Variants in RIMS2 observed in about 807,000 individuals in gnomAD.
RIMS2 encodes the protein regulating synaptic membrane exocytosis 2, also known as regulating synaptic membrane exocytosis protein 2.
In RIMS2, 59 loss-of-function variants were observed where a neutral mutation model predicts 174.4. The ratio of observed to expected loss-of-function variants is 0.34; its 90% confidence interval spans 0.27 to 0.42. The LOEUF (loss-of-function observed/expected upper bound fraction) is 0.42, where lower values mean the gene tolerates loss of function less well. RIMS2 is among the 10% of genes least tolerant of loss of function. The pLI, the probability that RIMS2 is intolerant of heterozygous loss-of-function variation, is 1.00. For missense variants in RIMS2, 1,620 were observed against 1,666.3 expected (o/e 0.97, Z 0.48); for synonymous variants, 606 against 572.5 (o/e 1.06, Z -0.84).
intron 3 of RIMS2, among the ~76,000 whole-genome samples, chr8:103,858,732 TACACACACAC>T (rs71881969): frequency 1.4e-5 from 2 of 145,324 alleles, no homozygotes; most frequent in South Asian, 2.2e-4. Context: ...TACATACCTA[TACACACACAC>T]ACACACACAC....
intron 19 of RIMS2, among the ~76,000 whole-genome samples, chr8:104,027,674 T>A (rs1328646568): frequency 6.6e-6 from 1 of 152,202 alleles, no homozygotes; most frequent in African/African-American, 2.4e-5. Flanking sequence ...AGTTAGTTCA[T>A]CTGAGAAAAG....
At chr8:103,543,043 A>G (rs1480718700) in intron 1 of RIMS2, among the ~76,000 whole-genome samples, 2 of 152,186 alleles carry the variant, frequency 1.3e-5, no homozygotes, top group Non-Finnish European at 1.5e-5. Flanking sequence ...AAAGAATGAA[A>G]TAAAGGCACC....
At chr8:103,863,800 A>T (rs1310768462) in intron 3 of RIMS2, among the ~76,000 whole-genome samples, 2 of 149,072 alleles carry the variant, frequency 1.3e-5, no homozygotes, top group Non-Finnish European at 3.0e-5. Flanking sequence ...ATTGTTTCTG[A>T]TTGTTCTGAT....
chr8:103,721,698 C>G (rs1407787174), intron 2 of RIMS2, among the ~76,000 whole-genome samples: 1 of 152,188 alleles, frequency 6.6e-6, no homozygotes, highest in East Asian at 1.9e-4. Flanking sequence ...TTATTTCAAT[C>G]ATGAATACCA....
intron 19 of RIMS2, among the ~76,000 whole-genome samples, chr8:104,200,301 C>T (rs2099048227): frequency 6.6e-6 from 1 of 152,100 alleles, no homozygotes; most frequent in Non-Finnish European, 1.5e-5. Context: ...CCCTGAATTC[C>T]AAGATTGGTA....
intron 3 of RIMS2, among the ~76,000 whole-genome samples, chr8:103,871,785 G>GC (rs1554913886): frequency 6.8e-6 from 1 of 147,302 alleles, no homozygotes; most frequent in Non-Finnish European, 1.5e-5. Flanking sequence ...GAAGGTGTTT[G>GC]TTTTTTTTTT....
chr8:103,896,556 C>T (rs1444270589), intron 4 of RIMS2, among the ~76,000 whole-genome samples: 2 of 151,624 alleles, frequency 1.3e-5, no homozygotes, highest in Admixed American at 6.6e-5. Flanking sequence ...GAGAAATAGT[C>T]AACACTTTGT....
chr8:103,745,667 G>T (rs561998247), intron 2 of RIMS2, among the ~76,000 whole-genome samples: 1 of 152,148 alleles, frequency 6.6e-6, no homozygotes, highest in African/African-American at 2.4e-5. Context: ...TATTTCAGTG[G>T]GTATGAAGTG....
At chr8:103,889,695 T>G (rs2099230782) in intron 4 of RIMS2, among the ~76,000 whole-genome samples, 1 of 152,016 alleles carries the variant, frequency 6.6e-6, no homozygotes, top group South Asian at 2.1e-4. Flanking sequence ...CTTCTATCTT[T>G]AGCCTTATTG....
At position 104,247,630 on chromosome 8, in the gene RIMS2, A is replaced by T. The variant is rs60418765; in HGVS notation, c.3477-1071A>T. ...TGACCAGTTGGAAGAATGAAGAATG[A>T]GATTACCATTTATCAAGATGGAAAT... On this transcript the variant is annotated intron_variant, in intron 20 of 23. Transcript: ENST00000504942. 2.0e-5 allele frequency among the ~76,000 whole-genome samples: 3 copies of T among 152,238 alleles called. No homozygotes were observed. In the South Asian group the frequency reaches 6.2e-4, roughly 32 times the overall value.
At chr8:104,034,381 T>G (rs996789555) in intron 19 of RIMS2, among the ~76,000 whole-genome samples, 1 of 152,220 alleles carries the variant, frequency 6.6e-6, no homozygotes, top group Middle Eastern at 3.4e-3. Flanking sequence ...TAATTGCTTT[T>G]TTTAAAGAAT....
chr8:103,915,400 G>A, intron 6 of RIMS2, 95 bp from the exon 10 acceptor site: 1 of 579,038 alleles, frequency 1.7e-6, no homozygotes, highest in South Asian at 3.1e-5. Flanking sequence ...AGCGTTTTAG[G>A]TGTTGCAAAT....
At chr8:103,815,430 C>T (rs2098712692) in intron 3 of RIMS2, among the ~76,000 whole-genome samples, 1 of 152,010 alleles carries the variant, frequency 6.6e-6, no homozygotes, top group African/African-American at 2.4e-5. Flanking sequence ...CCAAAAGTTC[C>T]TTAACACTTC....
At chr8:104,119,183 T>TAA (rs770351018) in intron 19 of RIMS2, among the ~76,000 whole-genome samples, 5,977 of 143,132 alleles carry the variant, frequency 0.042, 157 homozygotes, top group Middle Eastern at 0.12. Flanking sequence ...CGTCTCTACT[T>TAA]AAAAACAAAA....
intron 19 of RIMS2, among the ~76,000 whole-genome samples, chr8:104,053,556 CTCAA>C (rs1323493994): frequency 1.3e-5 from 2 of 152,242 alleles, no homozygotes; most frequent in South Asian, 2.1e-4. Context: ...TGTGCATTTT[CTCAA>C]TCAAATTTCT....
intron 19 of RIMS2, among the ~76,000 whole-genome samples, chr8:104,086,225 CT>C (rs1463531444): frequency 2.0e-5 from 3 of 146,972 alleles, no homozygotes; most frequent in Admixed American, 2.0e-4. Flanking sequence ...ATACCACTGA[CT>C]GGTAAATTAG....
intron 19 of RIMS2, among the ~76,000 whole-genome samples, chr8:104,186,395 G>C: frequency 6.6e-6 from 1 of 151,726 alleles, no homozygotes; most frequent in East Asian, 1.9e-4. Context: ...ACCTCTGAAT[G>C]ATGTAATAAA....
intron 16 of RIMS2, among the ~76,000 whole-genome samples, chr8:103,979,692 G>A (rs2093729541): frequency 6.6e-6 from 1 of 152,198 alleles, no homozygotes; most frequent in South Asian, 2.1e-4. Flanking sequence ...AGGAGGGTTG[G>A]AGAGACAGTC....
In RIMS2 at chr8:103,518,473, A is replaced by G. The variant is rs569099259; in HGVS notation, c.176+17411A>G. On this transcript the variant is annotated intron_variant, in intron 1 of 23. Coordinates refer to ENST00000504942, the Ensembl canonical transcript of RIMS2. ...GTGGCCTGCGGTCTGCGGGTTGGAC[A>G]AGCTTGCTGTAACTCTTGTCATATG... Among the ~76,000 whole-genome samples, 354 of 152,200 alleles carry G rather than the reference A, an allele frequency of 2.3e-3. 2 individuals are homozygous for G. Among genetic ancestry groups the G allele is most frequent in the Non-Finnish European group, 2.5e-3 (170 of 67,974 alleles).
Sources: allele counts gnomAD v4.1 joint callset (sites outside exome capture counted in the v4.1 genomes callset), GRCh38; gene constraint gnomAD v4.1.1; transcripts MANE v1.5; gene names NCBI Gene and HGNC (gene_info 2026-07-23, HGNC 2026-07-21).